The following TMEM154 variants were observed in gnomAD, a reference collection of about 807,000 sequenced individuals.
The protein encoded by TMEM154 is transmembrane protein 154.
In TMEM154, 27 loss-of-function variants were observed where a neutral mutation model predicts 24.5. That is an observed-to-expected ratio of 1.10 (90% CI 0.81 to 1.52). The LOEUF is 1.52. Among genes scored for constraint, TMEM154 ranks in the 40% most tolerant of loss-of-function variants. The pLI, the probability that TMEM154 is intolerant of heterozygous loss-of-function variation, is 0.00. For missense variants in TMEM154, 228 were observed against 213.4 expected (o/e 1.07, Z -0.43); for synonymous variants, 67 against 76.8 (o/e 0.87, Z 0.67).
At chr4:152,678,091 G>A (rs2149792666) in intron 1 of TMEM154, among the ~76,000 whole-genome samples, 1 of 152,256 alleles carries the variant, frequency 6.6e-6, no homozygotes, top group East Asian at 1.9e-4. Flanking sequence ...TGCTAGGTAG[G>A]AAAAAGAATG....
At chr4:152,671,059 C>T (rs549007903) in intron 1 of TMEM154, among the ~76,000 whole-genome samples, 1 of 152,092 alleles carries the variant, frequency 6.6e-6, no homozygotes, top group Non-Finnish European at 1.5e-5. Flanking sequence ...AAGGGGTACT[C>T]AGGTATTTGA....
chr4:152,669,891 C>A (rs1342575258), intron 1 of TMEM154: 1 of 152,244 alleles, frequency 6.6e-6, no homozygotes, highest in Non-Finnish European at 1.5e-5. Flanking sequence ...GGTAACTCTT[C>A]TTTTAACCAC....
intron 6 of TMEM154, among the ~76,000 whole-genome samples, chr4:152,636,331 T>A (rs6838045): frequency 0.11 from 16,230 of 152,214 alleles, 1,131 homozygotes; most frequent in African/African-American, 0.2. Flanking sequence ...CACTGACACT[T>A]TGCCCCTGGG....
chr4:152,638,376 A>C (rs1387423347), intron 6 of TMEM154, among the ~76,000 whole-genome samples: 1 of 152,254 alleles, frequency 6.6e-6, no homozygotes, highest in Non-Finnish European at 1.5e-5. Flanking sequence ...AAAGTCTCAT[A>C]GTAGATCAAA....
At chr4:152,632,102 C>T (rs915230226) in intron 6 of TMEM154, among the ~76,000 whole-genome samples, 3 of 152,092 alleles carry the variant, frequency 2.0e-5, no homozygotes, top group African/African-American at 7.2e-5. Flanking sequence ...CCACAGTGCC[C>T]GGCCAAATCT....
Position 152,628,565 on chromosome 4 carries a change from TAAAAAAAAAAA to T in TMEM154, c.537-15_537-5del. ...TCAGGTTTAGGATTCACTGTCACTGTAAAAAAAAAAAAAAAAAAAAAAAAAAACAAAAAAAA... is the reference window on the plus strand; with the variant it reads ...TCAGGTTTAGGATTCACTGTCACTGTAAAAAAAAAAAAAAAACAAAAAAAA... On this transcript the variant is annotated splice_region_variant and splice_polypyrimidine_tract_variant and intron_variant, in intron 6 of 6. Transcript: ENST00000304385. The T allele has an allele frequency of 2.5e-5, 13 of 518,454 alleles. No individual in the cohort carries two copies. The highest frequency in any genetic ancestry group is 2.4e-5 in the Non-Finnish European group (10 of 415,814). The allele number at this position is 518,454 out of a possible 1,614,324, so 32.1% of individuals were successfully genotyped here.
chr4:152,628,565 T>TTA lies in TMEM154; in HGVS notation c.537-5_537-4insTA, dbSNP rs1751959228. On this transcript the variant is annotated splice_region_variant and splice_polypyrimidine_tract_variant and intron_variant, in intron 6 of 6. Transcript: ENST00000304385. ...TCAGGTTTAGGATTCACTGTCACTG[T>TTA]AAAAAAAAAAAAAAAAAAAAAAAAA... is the stretch of plus-strand genomic sequence containing the variant. 1.9e-6 allele frequency: 1 copy of TTA among 516,042 alleles called. No homozygotes were observed. Among genetic ancestry groups the TTA allele is most frequent in the Non-Finnish European group, 2.4e-6 (1 of 414,312 alleles). 32.0% of individuals were successfully genotyped at this position (516,042 alleles called of 1,614,324 possible).
At chr4:152,671,177 AAC>A (rs1039226131) in intron 1 of TMEM154, among the ~76,000 whole-genome samples, 18 of 151,898 alleles carry the variant, frequency 1.2e-4, no homozygotes, top group Admixed American at 6.6e-4. Context: ...TCAGTGGCCC[AAC>A]AGAGCTTGGC....
intron 6 of TMEM154, among the ~76,000 whole-genome samples, chr4:152,634,029 C>A: frequency 2.6e-5 from 2 of 77,402 alleles, no homozygotes; most frequent in African/African-American, 5.5e-5. Context: ...GAGACCCCAT[C>A]TCAAAAAAAA....
chr4:152,629,223 C>T (rs748937381), intron 6 of TMEM154, among the ~76,000 whole-genome samples: 7 of 152,234 alleles, frequency 4.6e-5, no homozygotes, highest in Non-Finnish European at 8.8e-5. Context: ...CCATTCTCTA[C>T]GAATACGTGC....
intron 1 of TMEM154, among the ~76,000 whole-genome samples, chr4:152,661,216 A>C (rs571850744): frequency 1.1e-4 from 17 of 149,926 alleles, no homozygotes; most frequent in African/African-American, 4.2e-4. Context: ...TTCTGCATTA[A>C]GCATCATTTG....
chr4:152,655,470 A>G (rs569858481), intron 1 of TMEM154, among the ~76,000 whole-genome samples: 1 of 152,256 alleles, frequency 6.6e-6, no homozygotes, highest in South Asian at 2.1e-4. Context: ...GCTGCAGCAC[A>G]GTGCCACTTT....
At chr4:152,637,431 G>T (rs1336257707) in intron 6 of TMEM154, among the ~76,000 whole-genome samples, 1 of 152,090 alleles carries the variant, frequency 6.6e-6, no homozygotes, top group African/African-American at 2.4e-5. Context: ...TGTAATCCCA[G>T]CTACTTGGGA....
chr4:152,663,005 G>A (rs1728643317), intron 1 of TMEM154, among the ~76,000 whole-genome samples: 1 of 152,164 alleles, frequency 6.6e-6, no homozygotes, highest in Non-Finnish European at 1.5e-5. Context: ...TGGGGCCTGG[G>A]AAGAATTCCC....
intron 1 of TMEM154, among the ~76,000 whole-genome samples, chr4:152,659,801 T>TACACTG (rs1728559664): frequency 6.6e-6 from 1 of 152,228 alleles, no homozygotes; most frequent in Non-Finnish European, 1.5e-5. Context: ...GAACCCCACA[T>TACACTG]ACACTGTGTT....
At chr4:152,652,432 T>C in intron 3 of TMEM154, 106 bp downstream of exon 3, 1 of 1,507,958 alleles carries the variant, frequency 6.6e-7, no homozygotes, top group Non-Finnish European at 8.9e-7. Flanking sequence ...AATGTATTAT[T>C]TATCACTTAC....
At chr4:152,662,126 C>T (rs999160045) in intron 1 of TMEM154, among the ~76,000 whole-genome samples, 3 of 152,030 alleles carry the variant, frequency 2.0e-5, no homozygotes, top group Non-Finnish European at 4.4e-5. Flanking sequence ...TGCAATAAAC[C>T]TCTCTGCTCA....
intron 3 of TMEM154, chr4:152,647,109 G>A (rs1300317454): frequency 2.3e-6 from 3 of 1,316,728 alleles, no homozygotes; most frequent in African/African-American, 2.9e-5. Context: ...TGTTCTAAAA[G>A]TTTTGGCCAA....
intron 1 of TMEM154, among the ~76,000 whole-genome samples, chr4:152,673,594 C>G (rs1173145054): frequency 1.3e-5 from 2 of 152,188 alleles, no homozygotes; most frequent in Non-Finnish European, 1.5e-5. Context: ...AGCCACCATG[C>G]CTGGTGGCAT....
Sources: allele counts gnomAD v4.1 joint callset (sites outside exome capture counted in the v4.1 genomes callset), GRCh38; gene constraint gnomAD v4.1.1; transcripts MANE v1.5; gene names NCBI Gene and HGNC (gene_info 2026-07-23, HGNC 2026-07-21).